NFX1: variants seen among roughly 807,000 people sequenced by gnomAD.
The protein encoded by NFX1 is transcriptional repressor NF-X1.
Under a neutral mutation model 137.2 loss-of-function variants are expected in NFX1, and 69 were observed. The ratio of observed to expected loss-of-function variants is 0.50; its 90% confidence interval spans 0.41 to 0.61. The LOEUF is 0.61. Ranked by LOEUF, NFX1 falls within the 20% of genes least tolerant of loss-of-function variation. The pLI is 0.00. For synonymous variants in NFX1, 495 were observed against 474.1 expected (o/e 1.04, Z -0.57); for missense variants, 1,167 against 1,391.0 (o/e 0.84, Z 2.56).
chr9:33,366,242 A>T (rs1824165591), intron 21 of NFX1, among the ~76,000 whole-genome samples: 1 of 152,166 alleles, frequency 6.6e-6, no homozygotes, highest in African/African-American at 2.4e-5. Flanking sequence ...CACGATTTTT[A>T]AAGTAGAACA....
chr9:33,364,505 A>G (rs929604887), intron 20 of NFX1, among the ~76,000 whole-genome samples: 23 of 152,100 alleles, frequency 1.5e-4, no homozygotes, highest in African/African-American at 5.6e-4. Flanking sequence ...TTCAGTGGCT[A>G]CTTCTCCTTT....
intron 12 of NFX1, among the ~76,000 whole-genome samples, chr9:33,341,797 C>T (rs569789485): frequency 6.6e-6 from 1 of 151,154 alleles, no homozygotes; most frequent in African/African-American, 2.5e-5. Context: ...AGTTTCATAA[C>T]CCGGTCTCTA....
intron 10 of NFX1, among the ~76,000 whole-genome samples, chr9:33,329,560 C>G (rs1168785212): frequency 6.6e-6 from 1 of 152,142 alleles, no homozygotes; most frequent in Non-Finnish European, 1.5e-5. Context: ...GCCAGACTCT[C>G]TTTAAGTAAG....
Position 33,333,746 on chromosome 9 carries a change from G to T in NFX1, c.2035+1244G>T, listed in dbSNP as rs541029134. On this transcript the variant is annotated intron_variant, in intron 11 of 23. Transcript: ENST00000379540. ...AAGGCTGTCTTTGCCTGAAAGAGAA[G>T]AGTGGCCGTTTGGGAGGTACCCAGC... Among the ~76,000 whole-genome samples, 4 of 152,314 alleles carry T rather than the reference G, an allele frequency of 2.6e-5. 1 individual carries two copies. Among genetic ancestry groups the T allele is most frequent in the African/African-American group, 9.6e-5 (4 of 41,568 alleles).
chr9:33,338,376 A>C (rs911232089), intron 11 of NFX1, 134 bp from the exon 12 acceptor site: 92 of 821,166 alleles, frequency 1.1e-4, no homozygotes, highest in Admixed American at 5.2e-5. Flanking sequence ...CAAAACAAAA[A>C]AAACTGCATT....
At position 33,318,620 on chromosome 9, in the gene NFX1, C is replaced by T. The variant is rs1327009360; in HGVS notation, c.1589-111C>T. The T allele has an allele frequency of 5.3e-6, 5 of 946,592 alleles. No homozygotes were observed. In the Admixed American group the frequency reaches 5.9e-5, roughly 11 times the overall value. The allele number at this position is 946,592 out of a possible 1,614,324, so 58.6% of individuals were successfully genotyped here. A position where few individuals can be genotyped will look rare whatever the true frequency, so the allele number is the denominator to read the frequency against. ...TCTATTTGGCCTCCCAGATTACAGG[C>T]ATGAGCGACTGTGCCAGGCCCGCAT... On this transcript the variant is annotated intron_variant, in intron 7 of 23. Coordinates refer to ENST00000379540, the MANE Select transcript of NFX1 (RefSeq NM_002504.6).
chr9:33,291,139 T>C (rs1821145434), intron 1 of NFX1, among the ~76,000 whole-genome samples: 1 of 152,222 alleles, frequency 6.6e-6, no homozygotes, highest in Admixed American at 6.5e-5. Flanking sequence ...TATTCTGTAA[T>C]TGTTCACTCA....
At chr9:33,305,982 A>G (rs1488632496) in intron 4 of NFX1, among the ~76,000 whole-genome samples, 2 of 152,194 alleles carry the variant, frequency 1.3e-5, no homozygotes, top group Non-Finnish European at 2.9e-5. Flanking sequence ...TTGCAGGGGA[A>G]AGAAAAGCAA....
chr9:33,361,940 T>A (rs1824006230), intron 19 of NFX1, among the ~76,000 whole-genome samples: 2 of 151,734 alleles, frequency 1.3e-5, no homozygotes, highest in African/African-American at 4.8e-5. Context: ...CTGGGCGACA[T>A]AGCAAAACCC....
chr9:33,333,489 T>C (rs190260501), intron 11 of NFX1, among the ~76,000 whole-genome samples: 2 of 152,352 alleles, frequency 1.3e-5, no homozygotes, highest in East Asian at 3.9e-4. Context: ...CTTCACACAT[T>C]GGGTCTCTGC....
chr9:33,368,681 C>T (rs897368131), intron 23 of NFX1, among the ~76,000 whole-genome samples: 1 of 152,190 alleles, frequency 6.6e-6, no homozygotes, highest in Non-Finnish European at 1.5e-5. Flanking sequence ...GTGCCTACTC[C>T]TGTTCTGGCT....
At chr9:33,317,688 A>G (rs697530) in intron 7 of NFX1, among the ~76,000 whole-genome samples, 125,590 of 151,314 alleles carry the variant, frequency 0.83, 52,255 homozygotes, top group Non-Finnish European at 0.84. Flanking sequence ...CTAGAGTCTT[A>G]ATTATGGCCG....
chr9:33,368,421 G>A (rs2118713013), intron 23 of NFX1, among the ~76,000 whole-genome samples: 1 of 152,298 alleles, frequency 6.6e-6, no homozygotes, highest in East Asian at 1.9e-4. Context: ...GGGCAAGTCT[G>A]CCAGATGTTT....
chr9:33,341,538 C>T (rs1823222665), intron 12 of NFX1, among the ~76,000 whole-genome samples: 2 of 152,076 alleles, frequency 1.3e-5, no homozygotes, highest in African/African-American at 4.8e-5. Flanking sequence ...ATATAGCATA[C>T]ATAATTATTT....
chr9:33,293,336 C>CATCAATA (rs2118148186), intron 1 of NFX1, among the ~76,000 whole-genome samples: 1 of 152,270 alleles, frequency 6.6e-6, no homozygotes, highest in Non-Finnish European at 1.5e-5. Flanking sequence ...AACCTGAAAC[C>CATCAATA]CTCAGGCTCT....
intron 23 of NFX1, among the ~76,000 whole-genome samples, chr9:33,368,723 T>C (rs1824240069): frequency 6.6e-6 from 1 of 152,202 alleles, no homozygotes; most frequent in Non-Finnish European, 1.5e-5. Context: ...GTACCTCCTC[T>C]GTGATTCCTG....
At chr9:33,319,480 T>G (rs1210675125) in intron 9 of NFX1, among the ~76,000 whole-genome samples, 3 of 152,150 alleles carry the variant, frequency 2.0e-5, no homozygotes, top group African/African-American at 7.2e-5. Flanking sequence ...CCTTTTCACA[T>G]AATAGGAACA....
intron 19 of NFX1, among the ~76,000 whole-genome samples, chr9:33,355,241 T>C (rs1040469908): frequency 1.3e-5 from 2 of 152,188 alleles, no homozygotes; most frequent in Non-Finnish European, 2.9e-5. Flanking sequence ...ATATTGAAGA[T>C]TGGAAGTGTG....
intron 19 of NFX1, among the ~76,000 whole-genome samples, chr9:33,357,443 A>G (rs1587875508): frequency 6.6e-6 from 1 of 152,142 alleles, no homozygotes; most frequent in Admixed American, 6.5e-5. Context: ...ATCTGGTAGT[A>G]TATATCCTCA....
Sources: allele counts gnomAD v4.1 joint callset (sites outside exome capture counted in the v4.1 genomes callset), GRCh38; gene constraint gnomAD v4.1.1; transcripts MANE v1.5; gene names NCBI Gene and HGNC (gene_info 2026-07-23, HGNC 2026-07-21).